The following KDM4C variants were observed in gnomAD, a reference collection of about 807,000 sequenced individuals.
The protein encoded by KDM4C is lysine demethylase 4C.
In KDM4C, 81 loss-of-function variants were observed where a neutral mutation model predicts 129.3. The observed-to-expected ratio is 0.63, with a 90% CI of 0.52 to 0.75. The LOEUF is 0.75. KDM4C is among the 30% of genes least tolerant of loss of function. The pLI, the probability that KDM4C is intolerant of heterozygous loss-of-function variation, is 0.00. For missense variants in KDM4C, 1,457 were observed against 1,304.0 expected, an observed-to-expected ratio of 1.12 and a Z score of -1.81; for synonymous variants, 573 against 456.1, an observed-to-expected ratio of 1.26 and a Z score of -3.26.
At chr9:7,066,168 C>G (rs1382357735) in intron 17 of KDM4C, among the ~76,000 whole-genome samples, 1 of 151,978 alleles carries the variant, frequency 6.6e-6, no homozygotes, top group Non-Finnish European at 1.5e-5. Context: ...TTCTTTCATT[C>G]ATTTATCAGT....
At chr9:6,832,846 G>A (rs1042271453) in intron 4 of KDM4C, among the ~76,000 whole-genome samples, 2 of 150,370 alleles carry the variant, frequency 1.3e-5, no homozygotes, top group Admixed American at 6.7e-5. Context: ...TCCTGCCTCA[G>A]ACTCTGTAGT....
intron 17 of KDM4C, among the ~76,000 whole-genome samples, chr9:7,075,979 T>C (rs550730469): frequency 6.6e-5 from 10 of 152,324 alleles, no homozygotes; most frequent in African/African-American, 2.2e-4. Flanking sequence ...TCCTCAGTCA[T>C]AGAAAAGAAC....
At chr9:6,865,809 G>T (rs1277147904) in intron 5 of KDM4C, among the ~76,000 whole-genome samples, 1 of 151,758 alleles carries the variant, frequency 6.6e-6, no homozygotes, top group African/African-American at 2.4e-5. Flanking sequence ...GGAGTGCAGT[G>T]GCGCAATCTC....
At chr9:6,901,669 G>C (rs1175752002) in intron 8 of KDM4C, among the ~76,000 whole-genome samples, 1 of 152,214 alleles carries the variant, frequency 6.6e-6, no homozygotes, top group African/African-American at 2.4e-5. Flanking sequence ...CGAGTAACTG[G>C]TGTTTTTAGG....
chr9:7,004,651 A>G (rs1031703642), intron 12 of KDM4C, among the ~76,000 whole-genome samples: 1 of 152,160 alleles, frequency 6.6e-6, no homozygotes, highest in Non-Finnish European at 1.5e-5. Context: ...TAATTTCTTT[A>G]TTACCATCAA....
chr9:6,998,578 C>T (rs818894), intron 12 of KDM4C, among the ~76,000 whole-genome samples: 2,073 of 152,138 alleles, frequency 0.014, 37 homozygotes, highest in African/African-American at 0.043. Flanking sequence ...GGCGGATCAC[C>T]TGAGGTCAGG....
chr9:7,084,589 A>G (rs1031387723), intron 17 of KDM4C, among the ~76,000 whole-genome samples: 2 of 152,202 alleles, frequency 1.3e-5, no homozygotes, highest in African/African-American at 4.8e-5. Flanking sequence ...CCAGTGCTAC[A>G]TTGTATATAT....
At chr9:7,082,286 C>G (rs1439351538) in intron 17 of KDM4C, among the ~76,000 whole-genome samples, 1 of 152,132 alleles carries the variant, frequency 6.6e-6, no homozygotes, top group Non-Finnish European at 1.5e-5. Flanking sequence ...CCAGAAGGCC[C>G]ATTAGGAATA....
chr9:7,144,611 T>C (rs575429514), intron 19 of KDM4C, among the ~76,000 whole-genome samples: 31 of 152,330 alleles, frequency 2.0e-4, no homozygotes, highest in African/African-American at 7.2e-4. Flanking sequence ...CTATAAACAT[T>C]GGAATGTGGC....
intron 8 of KDM4C, among the ~76,000 whole-genome samples, chr9:6,922,219 A>G (rs1343658663): frequency 1.3e-5 from 2 of 152,200 alleles, no homozygotes; most frequent in Non-Finnish European, 1.5e-5. Flanking sequence ...GTGAATTTCT[A>G]TCTAATTCCT....
intron 1 of KDM4C, among the ~76,000 whole-genome samples, chr9:6,788,059 T>G (rs1825835240): frequency 6.6e-6 from 1 of 152,242 alleles, no homozygotes; most frequent in Admixed American, 6.5e-5. Context: ...TCCTTCAGCC[T>G]AAAATGTTCT....
intron 8 of KDM4C, among the ~76,000 whole-genome samples, chr9:6,926,763 A>T (rs1410087492): frequency 1.3e-5 from 2 of 152,226 alleles, no homozygotes; most frequent in African/African-American, 2.4e-5. Context: ...CAGATTGTTA[A>T]AAGAAACTCT....
intron 2 of KDM4C, among the ~76,000 whole-genome samples, chr9:6,800,049 C>T (rs1029665017): frequency 6.6e-6 from 1 of 150,650 alleles, no homozygotes; most frequent in Non-Finnish European, 1.5e-5. Flanking sequence ...ATAGCGAGAC[C>T]ACATCTTTTC....
chr9:7,079,492 T>G (rs1188547285), intron 17 of KDM4C, among the ~76,000 whole-genome samples: 1 of 152,148 alleles, frequency 6.6e-6, no homozygotes, highest in Non-Finnish European at 1.5e-5. Context: ...CCAGCTAATA[T>G]TTTATTTTTA....
chr9:6,949,887 G>A (rs901279507), intron 8 of KDM4C, among the ~76,000 whole-genome samples: 1 of 152,106 alleles, frequency 6.6e-6, no homozygotes, highest in Admixed American at 6.5e-5. Context: ...TGTTAATGAA[G>A]CCAAAGAATC....
intron 1 of KDM4C, among the ~76,000 whole-genome samples, chr9:6,785,756 C>T (rs1232729733): frequency 2.0e-5 from 3 of 152,242 alleles, no homozygotes; most frequent in Non-Finnish European, 4.4e-5. Flanking sequence ...GCCACATTCA[C>T]AGGTGTTGGG....
chr9:7,044,959 T>A (rs545127145), intron 15 of KDM4C, among the ~76,000 whole-genome samples: 1 of 151,926 alleles, frequency 6.6e-6, no homozygotes, highest in Non-Finnish European at 1.5e-5. Context: ...TCAGGAAGGA[T>A]CAACAGTGTT....
At chr9:6,821,179 A>G (rs531926924) in intron 4 of KDM4C, among the ~76,000 whole-genome samples, 2 of 144,104 alleles carry the variant, frequency 1.4e-5, no homozygotes, top group South Asian at 2.1e-4. Flanking sequence ...AGCAGTAAAC[A>G]TATGTGTGCA....
chr9:7,110,774 C>A (rs1189786474), intron 18 of KDM4C, among the ~76,000 whole-genome samples: 1 of 152,210 alleles, frequency 6.6e-6, no homozygotes, highest in Non-Finnish European at 1.5e-5. Flanking sequence ...AAACTGACTT[C>A]ATCCCAAGAT....
Sources: gnomAD v4.1 joint callset for allele counts (sites outside exome capture counted in the v4.1 genomes callset) on GRCh38, gnomAD v4.1.1 for gene constraint, MANE v1.5 for transcripts, NCBI Gene and HGNC (gene_info 2026-07-23, HGNC 2026-07-21) for gene names.